STX5: variants seen among roughly 807,000 people sequenced by gnomAD.
STX5 encodes syntaxin-5.
A neutral mutation model predicts 42.9 loss-of-function variants in STX5; 15 were observed. The ratio of observed to expected loss-of-function variants is 0.35; its 90% CI spans 0.23 to 0.54. The LOEUF (loss-of-function observed/expected upper bound fraction) is 0.54. STX5 is among the 20% of genes least tolerant of loss of function. STX5 has a pLI of 0.91. For missense variants in STX5, 430 were observed against 455.0 expected (o/e 0.95, Z 0.50); for synonymous variants, 184 against 173.2 (o/e 1.06, Z -0.49).
At chr11:62,823,320 A>G (rs1590971902) in intron 10 of STX5, among the ~76,000 whole-genome samples, 1 of 148,462 alleles carries the variant, frequency 6.7e-6, no homozygotes, top group South Asian at 2.1e-4. Flanking sequence ...AACCACAGGC[A>G]CACGCAACCA....
chr11:62,828,527 C>T (rs2084819848), intron 2 of STX5, among the ~76,000 whole-genome samples: 1 of 151,430 alleles, frequency 6.6e-6, no homozygotes, highest in Admixed American at 6.6e-5. Flanking sequence ...GAGATTGAGA[C>T]CAACCTGGCT....
At position 62,807,559 on chromosome 11, in the gene STX5, G is replaced by C. The variant is rs199639598; in HGVS notation, c.978C>G (p.Phe326Leu). 4.8e-5 allele frequency: 78 copies of C among 1,614,164 alleles called. 1 individual carries two copies. In the East Asian group the frequency reaches 1.7e-3, roughly 35 times the overall value. The change falls in exon 11 of 11, where the codon TTC (phenylalanine) becomes TTG (leucine). Residue 326 changes from phenylalanine (F) to leucine (L), a missense_variant. Phe to Leu is a conservative substitution (Grantham distance 22, BLOSUM62 0). Coordinates refer to ENST00000294179, the MANE Select transcript of STX5 (RefSeq NM_003164.5). ...GCCACCGGTTGGAGGTGACAGACTG[G>C]AAGTACTTGAGGATCTCTGAATGGG... ...EAAHSEILKY[F>L]QSVTSNRWLM... is the part of the protein sequence containing the mutation.
intron 10 of STX5, among the ~76,000 whole-genome samples, chr11:62,822,699 C>T (rs1369623377): frequency 7.7e-5 from 9 of 116,934 alleles, no homozygotes; most frequent in African/African-American, 1.8e-4. Flanking sequence ...TTGGCATTTA[C>T]GACCTTTTTT....
intron 2 of STX5, among the ~76,000 whole-genome samples, chr11:62,830,149 C>T (rs2084840079): frequency 6.7e-6 from 1 of 150,120 alleles, no homozygotes; most frequent in Non-Finnish European, 1.5e-5. Context: ...CAGGCACATG[C>T]CACCACGTCC....
chr11:62,820,514 CT>C (rs1565211747), intron 10 of STX5, among the ~76,000 whole-genome samples: 1 of 148,336 alleles, frequency 6.7e-6, no homozygotes, highest in Non-Finnish European at 1.5e-5. Context: ...TTACTATTTT[CT>C]TTTTCTTTTT....
chr11:62,822,659 A>T (rs1463257496), intron 10 of STX5, among the ~76,000 whole-genome samples: 1 of 146,308 alleles, frequency 6.8e-6, no homozygotes, highest in East Asian at 2.0e-4. Flanking sequence ...TGATTAGTTT[A>T]TCCTGTGTTG....
chr11:62,814,752 G>A (rs1278954552), intron 10 of STX5, among the ~76,000 whole-genome samples: 1 of 151,404 alleles, frequency 6.6e-6, no homozygotes, highest in Non-Finnish European at 1.5e-5. Flanking sequence ...GCGCCACCAC[G>A]CTCAGCAAAT....
intron 2 of STX5, among the ~76,000 whole-genome samples, chr11:62,828,053 T>C (rs777391932): frequency 1.3e-5 from 2 of 151,012 alleles, no homozygotes; most frequent in African/African-American, 2.4e-5. Flanking sequence ...ATAAGGATGA[T>C]TGCAAAGCTC....
rs574421511 is a variant in STX5 at position 62,830,013 on chromosome 11, C to T, written c.225+1006G>A. Among the ~76,000 whole-genome samples, 23 of 145,618 alleles carry T rather than the reference C, an allele frequency of 1.6e-4. No homozygotes were observed. The South Asian group carries it at 5.0e-3, about 31-fold the overall frequency. On this transcript the variant is annotated intron_variant, in intron 2 of 10. Transcript: ENST00000294179. ...CCAGGAAGAGGAGGTTGCAGTGAGC[C>T]GAGATTGCACCATTGCACCCCAGTC...
intron 10 of STX5, among the ~76,000 whole-genome samples, chr11:62,814,095 C>T (rs1222880400): frequency 6.6e-6 from 1 of 152,000 alleles, no homozygotes; most frequent in African/African-American, 2.4e-5. Flanking sequence ...ATTGCCCTAA[C>T]TAATAATAAG....
chr11:62,824,014 T>C (rs2084766502), intron 10 of STX5, 152 bp downstream of exon 10: 3 of 1,263,476 alleles, frequency 2.4e-6, no homozygotes, highest in East Asian at 2.3e-5. Context: ...TAAAAACTTG[T>C]TGGGTGGATG....
At chr11:62,807,827 T>A in intron 10 of STX5, 199 bp from the exon 11 acceptor site, 2 of 971,998 alleles carry the variant, frequency 2.1e-6, no homozygotes, top group Non-Finnish European at 2.9e-6. Context: ...TTTATTAGCT[T>A]AAGACTCTAA....
intron 10 of STX5, among the ~76,000 whole-genome samples, chr11:62,823,245 G>A (rs2084759625): frequency 2.0e-5 from 3 of 151,866 alleles, no homozygotes; most frequent in African/African-American, 7.3e-5. Flanking sequence ...TTCCATCATG[G>A]CTCACTGCAG....
intron 10 of STX5, among the ~76,000 whole-genome samples, chr11:62,823,402 G>C (rs941656072): frequency 1.3e-5 from 2 of 151,960 alleles, no homozygotes; most frequent in Non-Finnish European, 2.9e-5. Context: ...TTGAACTCCT[G>C]AGTTCAACTG....
intron 10 of STX5, among the ~76,000 whole-genome samples, chr11:62,811,969 A>G (rs1159591754): frequency 1.3e-5 from 2 of 152,194 alleles, no homozygotes; most frequent in Non-Finnish European, 2.9e-5. Context: ...GCTAACAGTG[A>G]AAAATACTTA....
chr11:62,811,114 T>C lies in STX5; in HGVS notation c.909-3486A>G, dbSNP rs78183324. Among the ~76,000 whole-genome samples the C allele has an allele frequency of 2.2e-3, 337 of 152,196 alleles. 2 individuals carry two copies. The highest frequency in any genetic ancestry group is 4.9e-3 in the African/African-American group (203 of 41,514). ...TTCCTCCTCAGTCTGGCCAGATTCT[T>C]CCCTTCTCTACATACCCCCTGACTC... is the stretch of plus-strand genomic sequence containing the variant. On this transcript the variant is annotated intron_variant, in intron 10 of 10. Transcript: ENST00000294179.
In STX5 at chr11:62,827,219, T is replaced by C. The variant is rs2084806078; in HGVS notation, c.359A>G (p.Lys120Arg). 9.3e-6 allele frequency: 15 copies of C among 1,614,172 alleles called. No homozygotes were observed. Among genetic ancestry groups the C allele is most frequent in the Non-Finnish European group, 1.3e-5 (15 of 1,180,040 alleles). The change falls in exon 5 of 11, where the codon AAG becomes AGG. Residue 120 changes from lysine (K) to arginine (R), a missense_variant. Coordinates refer to ENST00000294179, the MANE Select transcript of STX5 (RefSeq NM_003164.5). ...AKLEKLTILA[K>R]RKSLFDDKAV... The stretch of plus-strand genomic sequence containing the variant: ...TTTATCATCAAAGAGGGACTTGCGC[T>C]TTGCCACTACAGAGACAAACAAGAA...
rs780585855 is a variant in STX5 at position 62,832,041 on chromosome 11, G to A, written c.-107C>T. 4.1e-6 allele frequency: 2 copies of A among 489,706 alleles called. No individual in the cohort carries two copies. The highest frequency in any genetic ancestry group is 6.0e-5 in the East Asian group (1 of 16,674). The allele number at this position is 489,706 out of a possible 1,614,324, so 30.3% of individuals were successfully genotyped here. On this transcript the variant is annotated 5_prime_UTR_variant, in exon 1 of 11. Transcript: ENST00000294179. The stretch of plus-strand genomic sequence containing the variant: ...CCGAGCACTGAAGCCGCCGAAACCC[G>A]ACCAAAGACTGGAAGCGGCCACGTC...
In STX5 at chr11:62,827,572, G is replaced by T. The variant is rs149057421; in HGVS notation, c.285C>A (p.Thr95=). Residue 95 remains threonine (T), a synonymous_variant, in exon 3 of 11, where the codon ACC becomes ACA. Coordinates refer to ENST00000294179, the MANE Select transcript of STX5 (RefSeq NM_003164.5). ...LRAVRQRSEF[T]LMAKRIGKDL... ...TTCTCTCAACTCACTTGGCCATGAG[G>T]GTGAATTCACTGCGTTGTCGGACAG... 5.1e-5 allele frequency: 82 copies of T among 1,614,196 alleles called. No homozygotes were observed. In the African/African-American group the frequency reaches 9.7e-4, roughly 19 times the overall value.
Sources: allele counts gnomAD v4.1 joint callset (sites outside exome capture counted in the v4.1 genomes callset), GRCh38; gene constraint gnomAD v4.1.1; transcripts MANE v1.5; gene names NCBI Gene and HGNC (gene_info 2026-07-23, HGNC 2026-07-21).